USP34: variants seen among roughly 807,000 people sequenced by gnomAD.
The protein encoded by USP34 is ubiquitin specific peptidase 34, also known as ubiquitin carboxyl-terminal hydrolase 34.
In USP34, 70 loss-of-function variants were observed where a neutral mutation model predicts 460.3. That is an observed-to-expected ratio of 0.15 (90% CI 0.13 to 0.19). The LOEUF (loss-of-function observed/expected upper bound fraction) is 0.19. Among genes scored for constraint, USP34 ranks in the 10% least tolerant of loss-of-function variants. The pLI, the probability that USP34 is intolerant of heterozygous loss-of-function variation, is 1.00. For synonymous variants in USP34, 1,647 were observed against 1,405.3 expected (o/e 1.17, Z -3.85); for missense variants, 3,985 against 4,236.2 (o/e 0.94, Z 1.65).
intron 75 of USP34, 63 bp from the exon 76 acceptor site, chr2:61,193,043 C>A: frequency 7.7e-7 from 1 of 1,304,130 alleles, no homozygotes; most frequent in Non-Finnish European, 1.1e-6. Flanking sequence ...AGATACTCAA[C>A]TCTGCAGGTA....
chr2:61,188,292 C>G lies in USP34; in HGVS notation c.10451G>C (p.Arg3484Thr), dbSNP rs1320465118. The change falls in exon 80 of 80, where the codon AGA becomes ACA. Residue 3484 changes from arginine to threonine, a missense_variant. Transcript: ENST00000398571. ...GGGCAAAGCTTGGCCATCACAGCTT[C>G]TCAAGTCAGCTAAGTCAGACAGAAC... Reference protein sequence around the residue: ...SAVLSDLADLRSCDGQALPSQ... With the variant: ...SAVLSDLADLTSCDGQALPSQ... 1.1e-5 allele frequency: 17 copies of G among 1,613,834 alleles called. No individual in the cohort carries two copies. The highest frequency in any genetic ancestry group is 1.4e-5 in the Non-Finnish European group (17 of 1,180,026).
At chr2:61,468,365 T>TAG (rs1317126693) in intron 1 of USP34, among the ~76,000 whole-genome samples, 1 of 152,172 alleles carries the variant, frequency 6.6e-6, no homozygotes, top group Non-Finnish European at 1.5e-5. Context: ...GTATTTTGAG[T>TAG]AGAGACGGGG....
intron 72 of USP34, 66 bp from the exon 73 acceptor site, chr2:61,204,667 C>A: frequency 1.6e-6 from 2 of 1,269,430 alleles, no homozygotes; most frequent in South Asian, 1.3e-5. Flanking sequence ...TACTTTCCAT[C>A]TTACAAATCC....
intron 78 of USP34, 145 bp from the exon 79 acceptor site, chr2:61,189,214 A>G (rs1226787669): frequency 1.1e-5 from 9 of 834,144 alleles, no homozygotes; most frequent in Non-Finnish European, 1.4e-5. Context: ...TTAGAATGAT[A>G]AAACCAGAAA....
chr2:61,405,500 T>A (rs576854883), intron 3 of USP34, among the ~76,000 whole-genome samples: 1 of 152,204 alleles, frequency 6.6e-6, no homozygotes, highest in Admixed American at 6.5e-5. Flanking sequence ...GAGTTCAATG[T>A]ATAGATCTTT....
At chr2:61,452,689 A>G in intron 1 of USP34, among the ~76,000 whole-genome samples, 1 of 150,632 alleles carries the variant, frequency 6.6e-6, no homozygotes, top group African/African-American at 2.4e-5. Context: ...TTCGAGACCC[A>G]CCTGGGAAAC....
rs748291626 is a variant in USP34 at position 61,339,626 on chromosome 2, C to T, written c.2556G>A (p.Leu852=). 7.6e-6 allele frequency: 12 copies of T among 1,577,026 alleles called. No homozygotes were observed. In the South Asian group the frequency reaches 1.2e-4, roughly 16 times the overall value. ...FNSNAVTDIN[L]DNVCKKGNTL... ...TATTTCCTTTCTTGCAAACATTATC[C>T]AAATTAATGTCTGTAACAGCATTAC... Residue 852 remains leucine (L), a synonymous_variant, in exon 17 of 80, where the codon TTG becomes TTA. Coordinates refer to ENST00000398571, the MANE Select transcript of USP34 (RefSeq NM_014709.4).
At chr2:61,230,941 T>C (rs1274369165) in intron 58 of USP34, among the ~76,000 whole-genome samples, 2 of 151,952 alleles carry the variant, frequency 1.3e-5, no homozygotes, top group Non-Finnish European at 2.9e-5. Context: ...CAAAAACTTG[T>C]ACTAAAAGTT....
intron 16 of USP34, among the ~76,000 whole-genome samples, chr2:61,342,323 C>T (rs558319261): frequency 2.4e-4 from 21 of 89,026 alleles, no homozygotes; most frequent in Non-Finnish European, 3.8e-4. Context: ...TTTTTTAAGA[C>T]GGAGTCTCAC....
Position 61,236,350 on chromosome 2 carries a change from T to C in USP34, c.6817A>G (p.Asn2273Asp). 1 of 1,605,342 alleles carries C rather than the reference T, an allele frequency of 6.2e-7. No homozygotes were observed. Among genetic ancestry groups the C allele is most frequent in the Non-Finnish European group, 8.5e-7 (1 of 1,176,728 alleles). ...CCAAAATATGTATGTTCAAAAATGTTTTTGTCTTGAAGAAACTGCATGTTA... is the reference window on the plus strand; with the variant it reads ...CCAAAATATGTATGTTCAAAAATGTCTTTGTCTTGAAGAAACTGCATGTTA... ...HDNMQFLQDK[N>D]IFEHTYFGFM... Residue 2273 changes from asparagine to aspartate, a missense_variant, in exon 54 of 80, where the codon AAC becomes GAC. Physicochemically the swap from Asn to Asp is conservative, Grantham distance 23. Coordinates refer to ENST00000398571, the MANE Select transcript of USP34 (RefSeq NM_014709.4).
intron 39 of USP34, among the ~76,000 whole-genome samples, chr2:61,278,980 A>G (rs563570705): frequency 2.6e-5 from 4 of 152,296 alleles, no homozygotes; most frequent in Non-Finnish European, 5.9e-5. Flanking sequence ...ATTAAAACAG[A>G]CTTCACAAAA....
At chr2:61,398,196 C>G (rs576345872) in intron 3 of USP34, among the ~76,000 whole-genome samples, 3 of 151,994 alleles carry the variant, frequency 2.0e-5, no homozygotes, top group African/African-American at 7.3e-5. Context: ...GAGACCCAAT[C>G]TCTATTAAAA....
chr2:61,341,900 C>A (rs1021158116), intron 16 of USP34, among the ~76,000 whole-genome samples: 2 of 151,148 alleles, frequency 1.3e-5, no homozygotes, highest in Non-Finnish European at 2.9e-5. Flanking sequence ...GTAGCTGGGA[C>A]GACAGGTGCC....
chr2:61,190,540 A>G lies in USP34; in HGVS notation c.9707T>C (p.Phe3236Ser). The G allele has an allele frequency of 6.2e-7, 1 of 1,614,044 alleles. No homozygotes were observed. The highest frequency in any genetic ancestry group is 8.5e-7 in the Non-Finnish European group (1 of 1,179,966). ...TACCTTTAGAAGGAAATGTGTCATG[A>G]ACGTGTAGACAATGTTGTTGTTTAA... The part of the protein sequence containing the change: ...TFLNNNIVYT[F>S]MTHFLLKVQS... The change falls in exon 77 of 80, where the codon TTC (phenylalanine) becomes TCC (serine). Residue 3236 changes from phenylalanine (F) to serine (S), a missense_variant. Phe to Ser is a radical substitution (Grantham distance 155). Transcript: ENST00000398571.
rs142988452 is a variant in USP34, at chr2:61,192,661, A to G, written c.9588+240T>C. ...TATACATCTATAAATGAGAAATTCA[A>G]TTATAACCAGCTTATTTAAAATATC... On this transcript the variant is annotated intron_variant, in intron 76 of 79. Transcript: ENST00000398571. Among the ~76,000 whole-genome samples the G allele has an allele frequency of 2.8e-4, 43 of 152,368 alleles. No homozygotes were observed. The East Asian group carries it at 6.0e-3, about 21-fold the overall frequency.
chr2:61,258,263 G>A (rs1259575493), intron 44 of USP34, among the ~76,000 whole-genome samples: 1 of 152,152 alleles, frequency 6.6e-6, no homozygotes, highest in African/African-American at 2.4e-5. Context: ...TGTCGAGGTT[G>A]CCATGAGACG....
intron 67 of USP34, among the ~76,000 whole-genome samples, chr2:61,218,128 T>C (rs1016849143): frequency 2.6e-5 from 4 of 151,502 alleles, no homozygotes; most frequent in Admixed American, 6.6e-5. Context: ...TTAGGCATAA[T>C]AGCTGGCTGA....
intron 75 of USP34, among the ~76,000 whole-genome samples, chr2:61,201,283 TCGGCTCA>T (rs1361188957): frequency 5.4e-5 from 8 of 148,480 alleles, no homozygotes. Context: ...TGGCTTGATC[TCGGCTCA>T]CGGCAACCTC....
chr2:61,208,884 C>T lies in USP34; in HGVS notation c.8919+15G>A. The T allele has an allele frequency of 6.5e-7, 1 of 1,549,242 alleles. No homozygotes were observed. On this transcript the variant is annotated intron_variant, in intron 70 of 79. Coordinates refer to ENST00000398571, the MANE Select transcript of USP34 (RefSeq NM_014709.4). Reference sequence around the variant, plus strand: ...ATGAGATAATATCCACAGTAAAATGCAATAGAATATTTACCTCTGTCATTA... The same window carrying T: ...ATGAGATAATATCCACAGTAAAATGTAATAGAATATTTACCTCTGTCATTA...
Sources: allele counts gnomAD v4.1 joint callset (sites outside exome capture counted in the v4.1 genomes callset), GRCh38; gene constraint gnomAD v4.1.1; transcripts MANE v1.5; gene names NCBI Gene and HGNC (gene_info 2026-07-23, HGNC 2026-07-21).